PRKCD: variants seen among roughly 807,000 people sequenced by gnomAD.
PRKCD encodes the protein protein kinase C delta type.
A neutral mutation model predicts 82.2 loss-of-function variants in PRKCD; 20 were observed. The observed-to-expected ratio is 0.24, with a 90% CI of 0.17 to 0.35. The LOEUF (loss-of-function observed/expected upper bound fraction) is 0.35, where lower values mean the gene tolerates loss of function less well. Ranked by LOEUF, PRKCD falls within the 10% of genes least tolerant of loss-of-function variation. The pLI is 1.00. For missense variants in PRKCD, 607 were observed against 899.0 expected, an observed-to-expected ratio of 0.68 and a Z score of 4.15; for synonymous variants, 317 against 337.0, an observed-to-expected ratio of 0.94 and a Z score of 0.65.
In PRKCD at chr3:53,186,707, C is replaced by G; in HGVS notation, c.1352+12C>G. ...CTCTACCGTGCCACGTACGTAAGGG[C>G]CATGGTGGGGAAGGGCCCAGTGTGG... is the stretch of plus-strand genomic sequence containing the variant. On this transcript the variant is annotated intron_variant, in intron 14 of 18. Coordinates refer to ENST00000330452, the MANE Select transcript of PRKCD (RefSeq NM_006254.4). 6.2e-7 allele frequency: 1 copy of G among 1,608,262 alleles called. No individual in the cohort carries two copies. Among genetic ancestry groups the G allele is most frequent in the Non-Finnish European group, 8.5e-7 (1 of 1,175,596 alleles).
intron 2 of PRKCD, among the ~76,000 whole-genome samples, chr3:53,167,744 G>C (rs1481924522): frequency 1.3e-5 from 2 of 152,238 alleles, no homozygotes; most frequent in South Asian, 4.1e-4. Context: ...ACTGATGAGG[G>C]GGTATTATTA....
intron 15 of PRKCD, among the ~76,000 whole-genome samples, chr3:53,188,203 A>AAAAAC (rs1703784419): frequency 6.7e-6 from 1 of 149,674 alleles, no homozygotes; most frequent in African/African-American, 2.4e-5. Context: ...AAAAAAAAAA[A>AAAAAC]AAAAAAAAAA....
At chr3:53,187,846 C>T (rs1434371898) in intron 15 of PRKCD, among the ~76,000 whole-genome samples, 1 of 152,162 alleles carries the variant, frequency 6.6e-6, no homozygotes, top group Non-Finnish European at 1.5e-5. Flanking sequence ...AGTGGAAAAA[C>T]AACCTGTGGG....
At chr3:53,180,222 C>T (rs1553667094) in intron 4 of PRKCD, among the ~76,000 whole-genome samples, 2 of 151,926 alleles carry the variant, frequency 1.3e-5, no homozygotes, top group African/African-American at 4.8e-5. Context: ...AGGGTGTGTC[C>T]CTGCCCCAAC....
intron 18 of PRKCD, among the ~76,000 whole-genome samples, chr3:53,191,230 C>T (rs551394784): frequency 4.1e-4 from 63 of 152,104 alleles, no homozygotes; most frequent in African/African-American, 9.9e-4. Flanking sequence ...GGTGAAACCC[C>T]GTCTCTACTA....
At chr3:53,166,787 G>A (rs550191312) in intron 2 of PRKCD, among the ~76,000 whole-genome samples, 2 of 152,260 alleles carry the variant, frequency 1.3e-5, no homozygotes, top group African/African-American at 4.8e-5. Flanking sequence ...ACCCTGGTAG[G>A]TGGGCTCTGC....
chr3:53,184,278 T>C (rs1156473658), intron 9 of PRKCD, among the ~76,000 whole-genome samples: 2 of 151,664 alleles, frequency 1.3e-5, no homozygotes, highest in African/African-American at 4.9e-5. Context: ...GAGCTTGCAG[T>C]GAGCCGAAAT....
At position 53,187,408 on chromosome 3, in the gene PRKCD, G is replaced by A; in HGVS notation, c.1415+6G>A. On this transcript the variant is annotated splice_donor_region_variant and intron_variant, in intron 15 of 18. Transcript: ENST00000330452. ...AGCAAGGGCATCATTTACAGGTGCG[G>A]GGGTGAGGGCAGCGGGGGCTCTTGG... is the stretch of plus-strand genomic sequence containing the variant. 1.2e-6 allele frequency: 2 copies of A among 1,613,938 alleles called. No homozygotes were observed. Among genetic ancestry groups the A allele is most frequent in the Non-Finnish European group, 1.7e-6 (2 of 1,179,836 alleles).
At chr3:53,180,016 G>A (rs1220524727) in intron 4 of PRKCD, among the ~76,000 whole-genome samples, 3 of 152,208 alleles carry the variant, frequency 2.0e-5, no homozygotes, top group Non-Finnish European at 4.4e-5. Flanking sequence ...TCTGTTAAGG[G>A]AAGGCGCTAC....
chr3:53,176,944 C>T (rs1703233273), intron 2 of PRKCD, among the ~76,000 whole-genome samples: 1 of 152,194 alleles, frequency 6.6e-6, no homozygotes. Flanking sequence ...TTCTTCTGCC[C>T]TCAGCCTCCC....
chr3:53,187,730 T>C (rs1703762514), intron 15 of PRKCD, among the ~76,000 whole-genome samples: 1 of 152,138 alleles, frequency 6.6e-6, no homozygotes, highest in Non-Finnish European at 1.5e-5. Flanking sequence ...TAAAGTCTCA[T>C]CTAATAAGTT....
At chr3:53,173,097 T>C (rs1553665259) in intron 2 of PRKCD, among the ~76,000 whole-genome samples, 1 of 152,196 alleles carries the variant, frequency 6.6e-6, no homozygotes, top group South Asian at 2.1e-4. Context: ...ACAAGTTACA[T>C]GTGATGCAGA....
chr3:53,186,824 A>G (rs1703714934), intron 14 of PRKCD, 129 bp downstream of exon 14: 2 of 976,248 alleles, frequency 2.0e-6, no homozygotes, highest in South Asian at 3.1e-5. Context: ...TAGAGCGGCA[A>G]CTGGGGAGAT....
rs1044359360 is a variant in PRKCD, at chr3:53,175,078, G to A, written c.-19-3326G>A. 2.0e-5 allele frequency among the ~76,000 whole-genome samples: 3 copies of A among 152,102 alleles called. No homozygotes were observed. In the South Asian group the frequency reaches 6.2e-4, roughly 32 times the overall value. ...CATACCTCCTGCTGGGCAGGCCGGG[G>A]GTAGGGGAAGCCATGGAGCCTGTGG... On this transcript the variant is annotated intron_variant, in intron 2 of 18. Coordinates refer to ENST00000330452, the MANE Select transcript of PRKCD (RefSeq NM_006254.4).
At chr3:53,187,775 C>T (rs13317952) in intron 15 of PRKCD, among the ~76,000 whole-genome samples, 3,278 of 152,240 alleles carry the variant, frequency 0.022, 93 homozygotes, top group African/African-American at 0.075. Flanking sequence ...TGTACACCCA[C>T]CAAAAAGGCT....
intron 18 of PRKCD, 41 bp downstream of exon 18, chr3:53,190,042 T>C (rs1553670518): frequency 1.2e-6 from 2 of 1,611,660 alleles, no homozygotes; most frequent in Admixed American, 3.3e-5. Flanking sequence ...GCTGAGCTAC[T>C]CCTCTCCTGC....
chr3:53,162,270 CG>C (rs550105739), intron 1 of PRKCD, among the ~76,000 whole-genome samples: 15,738 of 147,582 alleles, frequency 0.11, 1,689 homozygotes, highest in African/African-American at 0.28. Context: ...GGGAGGAGGT[CG>C]GGGGGGGGGG....
intron 18 of PRKCD, among the ~76,000 whole-genome samples, chr3:53,191,618 G>A (rs1290154855): frequency 6.6e-6 from 1 of 152,138 alleles, no homozygotes; most frequent in African/African-American, 2.4e-5. Context: ...TATATTTTAG[G>A]CTTTTCAGGC....
chr3:53,179,798 C>CTGTG lies in PRKCD; in HGVS notation c.315+22_315+23insTGTG, dbSNP rs1703363513. ...CTGGGTAAGGGGCGCACGAGCCGTG[C>CTGTG]CGTGTGTGTGTGTGTGTGTGTCTGT... On this transcript the variant is annotated intron_variant, in intron 4 of 18. Transcript: ENST00000330452. 4 of 1,338,470 alleles carry CTGTG rather than the reference C, an allele frequency of 3.0e-6. No homozygotes were observed. The African/African-American group carries it at 4.9e-5, about 17-fold the overall frequency. The allele number at this position is 1,338,470 out of a possible 1,614,324, so 82.9% of individuals were successfully genotyped here.
Sources: allele counts gnomAD v4.1 joint callset (sites outside exome capture counted in the v4.1 genomes callset), GRCh38; gene constraint gnomAD v4.1.1; transcripts MANE v1.5; gene names NCBI Gene and HGNC (gene_info 2026-07-23, HGNC 2026-07-21).